Variants in ULK4 observed in about 807,000 individuals in gnomAD.
ULK4 encodes inactive serine/threonine-protein kinase ULK4.
In ULK4, 133 loss-of-function variants were observed where a neutral mutation model predicts 160.6. The observed-to-expected ratio is 0.83, with a 90% confidence interval of 0.72 to 0.96. The LOEUF is 0.96. Ranked by LOEUF, ULK4 falls within the 40% of genes least tolerant of loss-of-function variation. The pLI is 0.00. For synonymous variants in ULK4, 534 were observed against 539.8 expected (o/e 0.99, Z 0.15); for missense variants, 1,580 against 1,499.5 (o/e 1.05, Z -0.89).
Position 41,270,736 on chromosome 3 carries a change from G to A in ULK4, c.3679-21162C>T, listed in dbSNP as rs114178606. Among the ~76,000 whole-genome samples the A allele has an allele frequency of 2.4e-3, 371 of 152,218 alleles. 1 individual carries two copies. The highest frequency in any genetic ancestry group is 8.5e-3 in the African/African-American group (352 of 41,520). ...TGTCCTCATTTTATACGACGAGATC[G>A]TGGCAGAAAGGTTAAGTTTCTAAAG... is the stretch of plus-strand genomic sequence containing the variant. On this transcript the variant is annotated intron_variant, in intron 35 of 36. Transcript: ENST00000301831.
At chr3:41,931,728 C>A in intron 5 of ULK4, 116 bp downstream of exon 5, 1 of 1,283,080 alleles carries the variant, frequency 7.8e-7, no homozygotes. Context: ...TGGTCATTAC[C>A]ATTTTCAATA....
chr3:41,781,760 G>A (rs1411298591), intron 21 of ULK4, among the ~76,000 whole-genome samples: 3 of 152,144 alleles, frequency 2.0e-5, no homozygotes, highest in African/African-American at 7.2e-5. Flanking sequence ...CCAACATGGT[G>A]AAACCCCAGC....
chr3:41,446,121 A>C (rs1174798750), intron 34 of ULK4, among the ~76,000 whole-genome samples: 3 of 152,242 alleles, frequency 2.0e-5, no homozygotes, highest in Admixed American at 6.5e-5. Context: ...CACACATGAA[A>C]AAAATGCTCA....
At chr3:41,353,634 C>A (rs1202528375) in intron 35 of ULK4, among the ~76,000 whole-genome samples, 1 of 151,684 alleles carries the variant, frequency 6.6e-6, no homozygotes, top group East Asian at 1.9e-4. Flanking sequence ...TGCCACTGCA[C>A]TCCAGACTGG....
intron 32 of ULK4, among the ~76,000 whole-genome samples, chr3:41,495,272 C>T (rs998161130): frequency 3.9e-5 from 6 of 151,968 alleles, no homozygotes; most frequent in South Asian, 2.1e-4. Context: ...GAAATAATGC[C>T]GCATATCTAC....
At chr3:41,560,736 T>C (rs546246384) in intron 32 of ULK4, among the ~76,000 whole-genome samples, 2 of 152,370 alleles carry the variant, frequency 1.3e-5, no homozygotes, top group East Asian at 3.9e-4. Flanking sequence ...TTTGCTGAAG[T>C]TGCTTATCAG....
intron 22 of ULK4, among the ~76,000 whole-genome samples, chr3:41,735,531 G>A (rs6789954): frequency 0.13 from 20,029 of 151,732 alleles, 4,295 homozygotes; most frequent in African/African-American, 0.45. Flanking sequence ...CTCATGTGCA[G>A]TATATTACTG....
At chr3:41,564,603 C>A (rs1472805355) in intron 32 of ULK4, among the ~76,000 whole-genome samples, 2 of 151,512 alleles carry the variant, frequency 1.3e-5, no homozygotes, top group East Asian at 3.9e-4. Flanking sequence ...GGACTACAGT[C>A]ACCCGCCACC....
intron 32 of ULK4, among the ~76,000 whole-genome samples, chr3:41,508,334 G>A (rs1261400923): frequency 6.6e-6 from 1 of 152,092 alleles, no homozygotes; most frequent in African/African-American, 2.4e-5. Context: ...CCTCCACCTG[G>A]TAGTCTTTCT....
intron 31 of ULK4, among the ~76,000 whole-genome samples, chr3:41,578,707 G>A (rs1429884067): frequency 6.6e-6 from 1 of 152,160 alleles, no homozygotes; most frequent in Non-Finnish European, 1.5e-5. Context: ...GGAGTCTTGT[G>A]GTGGGAAAAG....
At chr3:41,300,373 T>C (rs1368200521) in intron 35 of ULK4, among the ~76,000 whole-genome samples, 3 of 152,230 alleles carry the variant, frequency 2.0e-5, no homozygotes, top group Non-Finnish European at 4.4e-5. Context: ...AAACAAGTTT[T>C]AGAGGAAGAA....
chr3:41,814,461 G>A (rs1483963536), intron 19 of ULK4, among the ~76,000 whole-genome samples: 2 of 152,090 alleles, frequency 1.3e-5, no homozygotes, highest in African/African-American at 2.4e-5. Context: ...TTGGGCGGGT[G>A]GTGAGTTCTG....
chr3:41,814,692 C>T (rs1206657391), intron 19 of ULK4, among the ~76,000 whole-genome samples: 3 of 151,934 alleles, frequency 2.0e-5, no homozygotes, highest in Non-Finnish European at 4.4e-5. Context: ...ATTGCCTTTT[C>T]CCTTGGTTTA....
intron 31 of ULK4, among the ~76,000 whole-genome samples, chr3:41,607,627 T>C (rs1204118528): frequency 1.3e-5 from 2 of 152,180 alleles, no homozygotes; most frequent in South Asian, 4.1e-4. Flanking sequence ...GAAACTCACA[T>C]AGGTAGACAA....
Position 41,692,817 on chromosome 3 carries a change from CTT to C in ULK4, c.2782-11015_2782-11014del, listed in dbSNP as rs562805463. On this transcript the variant is annotated intron_variant, in intron 27 of 36. Coordinates refer to ENST00000301831, the MANE Select transcript of ULK4 (RefSeq NM_017886.4). ...AAATGGAAATTCCTAAGTCTGGTGA[CTT>C]TTATTTCGTTGCTCAAAAACTAGGA... Among the ~76,000 whole-genome samples, 93 of 152,232 alleles carry C rather than the reference CTT, an allele frequency of 6.1e-4. 1 individual carries two copies. In the East Asian group the frequency reaches 0.012, roughly 20 times the overall value.
chr3:41,702,744 CAAG>C (rs1437543816), intron 27 of ULK4, among the ~76,000 whole-genome samples: 4 of 150,894 alleles, frequency 2.7e-5, no homozygotes, highest in East Asian at 1.9e-4. Flanking sequence ...GTCAGAACTA[CAAG>C]AAGAGATAAA....
At position 41,663,674 on chromosome 3, in the gene ULK4, C is replaced by A. The variant is rs769737037; in HGVS notation, c.3004G>T (p.Asp1002Tyr). The A allele has an allele frequency of 3.7e-6, 6 of 1,613,888 alleles. No homozygotes were observed. The South Asian group carries it at 6.6e-5, about 18-fold the overall frequency. ...PQYEHILLEP[D>Y]PVPAYALKLL... ...TTCAGAGCATATGCTGGTACTGGGT[C>A]AGGTTCTAAAAGAATGTGCTCATAC... Residue 1002 changes from aspartate to tyrosine, a missense_variant, in exon 30 of 37, where the codon GAC (aspartate) becomes TAC (tyrosine). By Grantham distance (160) the Asp-to-Tyr change is radical (BLOSUM62 -3). Transcript: ENST00000301831.
chr3:41,513,814 G>C (rs1245290493), intron 32 of ULK4, among the ~76,000 whole-genome samples: 1 of 152,168 alleles, frequency 6.6e-6, no homozygotes, highest in African/African-American at 2.4e-5. Context: ...AGACTCGGGA[G>C]AACAGGTGGG....
Position 41,615,661 on chromosome 3 carries a change from G to T in ULK4, c.3120+8C>A. ...ATTTGAATTTCAAATGCACATTTCCGTTCTTACCAGAGTTACTTCAAAAAT... is the reference window on the plus strand; with the variant it reads ...ATTTGAATTTCAAATGCACATTTCCTTTCTTACCAGAGTTACTTCAAAAAT... On this transcript the variant is annotated splice_region_variant and intron_variant, in intron 31 of 36. Coordinates refer to ENST00000301831, the MANE Select transcript of ULK4 (RefSeq NM_017886.4). The T allele has an allele frequency of 2.5e-6, 4 of 1,612,274 alleles. No homozygotes were observed. The highest frequency in any genetic ancestry group is 2.2e-5 in the South Asian group (2 of 90,670).
Sources: gnomAD v4.1 joint callset for allele counts (sites outside exome capture counted in the v4.1 genomes callset) on GRCh38, gnomAD v4.1.1 for gene constraint, MANE v1.5 for transcripts, NCBI Gene and HGNC (gene_info 2026-07-23, HGNC 2026-07-21) for gene names.